Variants in DOP1A observed in about 807,000 individuals in gnomAD.
DOP1A encodes protein DOP1A.
In DOP1A, 90 loss-of-function variants were observed where a neutral mutation model predicts 267.6. That is an observed-to-expected ratio of 0.34 (90% CI 0.28 to 0.40). DOP1A has a LOEUF of 0.40. Ranked by LOEUF, DOP1A falls within the 10% of genes least tolerant of loss-of-function variation. The probability of loss-of-function intolerance (pLI) is 1.00; values close to 1 mark genes in which losing one functional copy is unlikely to be tolerated. For missense variants in DOP1A, 2,437 were observed against 2,900.4 expected, an observed-to-expected ratio of 0.84 and a Z score of 3.67; for synonymous variants, 932 against 999.1, an observed-to-expected ratio of 0.93 and a Z score of 1.27.
downstream of DOP1A, chr6:83,169,919 C>T (rs1786736874): frequency 2.5e-6 from 1 of 397,090 alleles, no homozygotes; most frequent in Admixed American, 3.3e-5. Context: ...GTCCAGAATG[C>T]TATCAGTTGA....
intron 1 of DOP1A, among the ~76,000 whole-genome samples, chr6:83,091,061 G>C (rs1770291150): frequency 6.6e-6 from 1 of 151,150 alleles, no homozygotes; most frequent in Non-Finnish European, 1.5e-5. Flanking sequence ...AAGGCAAGGA[G>C]GAGCAAGTCA....
Position 83,129,002 on chromosome 6 carries a change from G to T in DOP1A, c.1835G>T (p.Arg612Leu). ...FTEFIQYQADRTDDIDRELSE... is the reference protein window; with the variant it reads ...FTEFIQYQADLTDDIDRELSE... ...GAGTTTATACAATATCAAGCAGACC[G>T]AACTGATGATATTGACAGAGAACTG... Residue 612 changes from arginine (R) to leucine (L), a missense_variant, in exon 16 of 39, where the codon CGA becomes CTA. Around this residue, in one of 9 missense-constraint regions of DOP1A, gnomAD observed 498 missense variants for 513.5 expected, o/e 0.97. Coordinates refer to ENST00000349129, the MANE Select transcript of DOP1A (RefSeq NM_015018.4). 6.2e-7 allele frequency: 1 copy of T among 1,613,282 alleles called. No individual in the cohort carries two copies. Among genetic ancestry groups the T allele is most frequent in the Non-Finnish European group, 8.5e-7 (1 of 1,179,640 alleles).
intron 35 of DOP1A, among the ~76,000 whole-genome samples, chr6:83,157,581 G>A (rs1783078767): frequency 6.6e-6 from 1 of 152,176 alleles, no homozygotes; most frequent in Non-Finnish European, 1.5e-5. Context: ...TGTTTAGTCT[G>A]TACTACACTA....
At position 83,097,049 on chromosome 6, in the gene DOP1A, A is replaced by G; in HGVS notation, c.72A>G (p.Ala24=). Residue 24 remains alanine (A), a synonymous_variant, in exon 3 of 39, where the codon GCA becomes GCG. Coordinates refer to ENST00000349129, the MANE Select transcript of DOP1A (RefSeq NM_015018.4). The part of the protein sequence containing the change: ...YRNYVAAIDK[A]LKNFEYSSEW... The stretch of plus-strand genomic sequence containing the variant: ...ACTATGTAGCAGCAATTGACAAAGC[A>G]CTAAAGAATTTTGAATACTCCAGTG... 1.2e-6 allele frequency: 2 copies of G among 1,614,142 alleles called. No homozygotes were observed. Among genetic ancestry groups the G allele is most frequent in the Non-Finnish European group, 1.7e-6 (2 of 1,179,998 alleles).
chr6:83,105,674 T>C (rs1250816669), intron 4 of DOP1A, among the ~76,000 whole-genome samples: 4 of 152,164 alleles, frequency 2.6e-5, no homozygotes, highest in Admixed American at 6.5e-5. Flanking sequence ...AGCATGGATG[T>C]CTTAAAGATA....
intron 9 of DOP1A, 120 bp downstream of exon 9, chr6:83,119,977 A>T: frequency 1.5e-6 from 1 of 665,286 alleles, no homozygotes; most frequent in Non-Finnish European, 2.4e-6. Flanking sequence ...CAAGACTTAC[A>T]AACTTCCCAA....
intron 24 of DOP1A, among the ~76,000 whole-genome samples, chr6:83,145,093 AC>A (rs1440164541): frequency 3.2e-5 from 4 of 125,646 alleles, no homozygotes; most frequent in Non-Finnish European, 6.4e-5. Flanking sequence ...ACAGAGCAAG[AC>A]CCCATCTCAA....
chr6:83,114,288 C>T (rs1021207031), intron 7 of DOP1A, among the ~76,000 whole-genome samples: 1 of 152,070 alleles, frequency 6.6e-6, no homozygotes, highest in Non-Finnish European at 1.5e-5. Flanking sequence ...GGAACATAAA[C>T]CACTCTGTTT....
Position 83,148,834 on chromosome 6 carries a change from TC to T in DOP1A, c.5810del (p.Pro1937GlnfsTer12). 2 of 1,548,536 alleles carry T rather than the reference TC, an allele frequency of 1.3e-6. No homozygotes were observed. Among genetic ancestry groups the T allele is most frequent in the Non-Finnish European group, 1.7e-6 (2 of 1,158,116 alleles). On this transcript the variant is annotated frameshift_variant, in exon 27 of 39. Coordinates refer to ENST00000349129, the MANE Select transcript of DOP1A (RefSeq NM_015018.4). LOFTEE classifies it high-confidence loss of function. ...LLKDSIQLSL[P>X]APGQFLILGV... ...TGAAAGACTCTATACAACTGAGTCT[TC>T]CAGCTCCAGGGCAGTTTCTTATACT...
intron 1 of DOP1A, among the ~76,000 whole-genome samples, chr6:83,070,476 CATTT>C (rs1785399467): frequency 6.6e-6 from 1 of 152,066 alleles, no homozygotes; most frequent in African/African-American, 2.4e-5. Flanking sequence ...GATGTACATT[CATTT>C]AAGTGTACAT....
At chr6:83,140,497 T>C (rs574789183) in intron 23 of DOP1A, 94 bp downstream of exon 23, 17 of 1,006,004 alleles carry the variant, frequency 1.7e-5, no homozygotes, top group African/African-American at 1.5e-4. Flanking sequence ...GTGTAGTATT[T>C]ACAGGACTCT....
In DOP1A at chr6:83,125,182, G is replaced by T; in HGVS notation, c.1472G>T (p.Arg491Met). Residue 491 changes from arginine (R) to methionine (M), a missense_variant, in exon 14 of 39, where the codon AGG becomes ATG. By Grantham distance (91) the Arg-to-Met change is moderately conservative. This residue lies in a region of DOP1A where 498 missense variants were observed against 513.5 expected (regional missense o/e 0.97). Transcript: ENST00000349129. ...ATTTTGAAGCCTACTAGAAGTATGA[G>T]GGTGCTGTGTCAGGTATGACATTCA... ...DIVSLPTRSMRVLCQETYIEI... is the reference protein window; with the variant it reads ...DIVSLPTRSMMVLCQETYIEI... The T allele has an allele frequency of 1.3e-6, 2 of 1,582,490 alleles. No individual in the cohort carries two copies. Among genetic ancestry groups the T allele is most frequent in the South Asian group, 2.4e-5 (2 of 83,338 alleles).
chr6:83,074,547 C>T (rs1766696116), intron 1 of DOP1A, among the ~76,000 whole-genome samples: 1 of 152,140 alleles, frequency 6.6e-6, no homozygotes, highest in African/African-American at 2.4e-5. Flanking sequence ...CTTCTAGTAT[C>T]CATACAACCA....
At chr6:83,130,432 A>G in intron 17 of DOP1A, 35 bp downstream of exon 17, 1 of 1,578,674 alleles carries the variant, frequency 6.3e-7, no homozygotes, top group Non-Finnish European at 8.6e-7. Flanking sequence ...GACTATGATG[A>G]TTACAGCCAT....
intron 24 of DOP1A, among the ~76,000 whole-genome samples, chr6:83,142,599 A>G (rs556865283): frequency 1.0e-3 from 152 of 152,276 alleles, no homozygotes; most frequent in African/African-American, 3.6e-3. Context: ...TGATATTAAA[A>G]CTAAATAGAA....
rs757251162 is a variant in DOP1A at position 83,155,904 on chromosome 6, CTT to C, written c.6452-45_6452-44del. 8 of 1,579,156 alleles carry C rather than the reference CTT, an allele frequency of 5.1e-6. No individual in the cohort carries two copies. The African/African-American group carries it at 1.1e-4, about 22-fold the overall frequency. On this transcript the variant is annotated intron_variant, in intron 33 of 38. Transcript: ENST00000349129. The stretch of plus-strand genomic sequence containing the variant: ...CTATTTTAAAAAACAACAGAATAAT[CTT>C]TCTTCAGATGACAGTGTCACAGTCT...
chr6:83,088,325 G>A (rs1485212997), intron 1 of DOP1A, among the ~76,000 whole-genome samples: 4 of 152,054 alleles, frequency 2.6e-5, no homozygotes, highest in African/African-American at 9.7e-5. Context: ...AAGGGCATGG[G>A]AGATTGGATC....
At chr6:83,125,462 C>T in intron 14 of DOP1A, 38 bp from the exon 15 acceptor site, 2 of 1,589,544 alleles carry the variant, frequency 1.3e-6, no homozygotes, top group East Asian at 2.2e-5. Flanking sequence ...TTGGGTTCCA[C>T]ATTGTTTAAA....
At chr6:83,146,068 G>C (rs1010155891) in intron 25 of DOP1A, among the ~76,000 whole-genome samples, 1 of 152,024 alleles carries the variant, frequency 6.6e-6, no homozygotes, top group Non-Finnish European at 1.5e-5. Flanking sequence ...CCCAAATTTT[G>C]CTATAACCTT....
Sources: gnomAD v4.1 joint callset for allele counts (sites outside exome capture counted in the v4.1 genomes callset) on GRCh38, gnomAD v4.1.1 for gene constraint, gnomAD v4.1.1 regional missense constraint, MANE v1.5 for transcripts, NCBI Gene and HGNC (gene_info 2026-07-23, HGNC 2026-07-21) for gene names.